TOX: variants seen among roughly 807,000 people sequenced by gnomAD.
TOX encodes the protein thymocyte selection-associated high mobility group box protein TOX.
TOX carries 11 observed loss-of-function variants against 53.7 expected under a neutral mutation model. The observed-to-expected ratio is 0.20, with a 90% CI of 0.13 to 0.34. TOX has a LOEUF of 0.34. TOX is among the 10% of genes least tolerant of loss of function. The pLI is 1.00. For synonymous variants in TOX, 225 were observed against 245.3 expected (o/e 0.92, Z 0.77); for missense variants, 570 against 664.6 (o/e 0.86, Z 1.56).
chr8:59,016,275 A>G (rs1814007782), intron 1 of TOX, among the ~76,000 whole-genome samples: 1 of 152,214 alleles, frequency 6.6e-6, no homozygotes, highest in Non-Finnish European at 1.5e-5. Context: ...TTTAATAACC[A>G]GGACAAAATA....
rs140031835 is a variant in TOX, at chr8:59,117,976, G to A, written c.102+910C>T. Among the ~76,000 whole-genome samples, 72 of 152,288 alleles carry A rather than the reference G, an allele frequency of 4.7e-4. No individual in the cohort carries two copies. The highest frequency in any genetic ancestry group is 9.4e-4 in the Non-Finnish European group (64 of 68,000). ...CTGGGATGAGAGAGTTCGAGAAGCCGGGAGAGTAACCCCCTCCCTCGTACC... is the reference window on the plus strand; with the variant it reads ...CTGGGATGAGAGAGTTCGAGAAGCCAGGAGAGTAACCCCCTCCCTCGTACC... On this transcript the variant is annotated intron_variant, in intron 1 of 8. Coordinates refer to ENST00000361421, the MANE Select transcript of TOX (RefSeq NM_014729.3). The surrounding 1 kb of genome is among the most constrained non-coding windows in gnomAD (Gnocchi z 4.6).
intron 1 of TOX, among the ~76,000 whole-genome samples, chr8:59,088,086 A>G (rs1318649323): frequency 6.6e-6 from 1 of 152,144 alleles, no homozygotes; most frequent in African/African-American, 2.4e-5. Context: ...AAAAAAACAC[A>G]TTTTTGGCAG....
Position 59,067,280 on chromosome 8 carries a change from G to A in TOX, c.102+51606C>T, listed in dbSNP as rs116751717. Among the ~76,000 whole-genome samples, 1,239 of 152,256 alleles carry A rather than the reference G, an allele frequency of 8.1e-3. 17 individuals carry two copies. Among genetic ancestry groups the A allele is most frequent in the African/African-American group, 0.023 (944 of 41,528 alleles). Reference sequence around the variant, plus strand: ...AAATTAAAATAATAACTGGCCGGCCGAGGGGGCTCACCCCCATAATCCCAG... The same window carrying A: ...AAATTAAAATAATAACTGGCCGGCCAAGGGGGCTCACCCCCATAATCCCAG... On this transcript the variant is annotated intron_variant, in intron 1 of 8. Transcript: ENST00000361421.
intron 3 of TOX, among the ~76,000 whole-genome samples, chr8:58,883,031 C>T (rs955975012): frequency 6.6e-6 from 1 of 152,180 alleles, no homozygotes; most frequent in Non-Finnish European, 1.5e-5. Flanking sequence ...CGTACACGAC[C>T]CACCTGCTTT....
chr8:59,094,269 A>C (rs60590935), intron 1 of TOX, among the ~76,000 whole-genome samples: 2 of 151,880 alleles, frequency 1.3e-5, no homozygotes, highest in Non-Finnish European at 2.9e-5. Context: ...TTGACTTTTT[A>C]TTTTATTTCT....
At chr8:58,844,504 G>A (rs909873694) in intron 4 of TOX, among the ~76,000 whole-genome samples, 16 of 152,240 alleles carry the variant, frequency 1.1e-4, no homozygotes, top group Admixed American at 1.0e-3. Flanking sequence ...AATTCCTTAT[G>A]ATGACAAGCA....
intron 1 of TOX, among the ~76,000 whole-genome samples, chr8:59,009,872 G>A (rs1226341656): frequency 1.3e-5 from 2 of 152,182 alleles, no homozygotes; most frequent in African/African-American, 4.8e-5. Context: ...ACCAGCAAAG[G>A]GAGATGTGAA....
intron 5 of TOX, among the ~76,000 whole-genome samples, 195 bp downstream of exon 5, chr8:58,837,886 A>C (rs1014643119): frequency 2.0e-5 from 3 of 152,258 alleles, no homozygotes; most frequent in Non-Finnish European, 4.4e-5. Context: ...CAAAGGAATC[A>C]ACATGCTATT....
chr8:58,886,238 C>A (rs1362553305), intron 3 of TOX, among the ~76,000 whole-genome samples: 1 of 152,112 alleles, frequency 6.6e-6, no homozygotes, highest in Non-Finnish European at 1.5e-5. Flanking sequence ...CACCCTCATA[C>A]ATGCTAAATT....
intron 7 of TOX, among the ~76,000 whole-genome samples, chr8:58,813,693 A>G (rs932583937): frequency 6.6e-6 from 1 of 152,210 alleles, no homozygotes. Context: ...TGAATCAACA[A>G]CTGTCTGTTG....
At chr8:58,929,857 C>T (rs1812231685) in intron 3 of TOX, among the ~76,000 whole-genome samples, 1 of 152,084 alleles carries the variant, frequency 6.6e-6, no homozygotes, top group East Asian at 1.9e-4. Flanking sequence ...GAAGACTAGG[C>T]ACAAATATAC....
At chr8:58,976,902 A>C (rs1170107869) in intron 1 of TOX, among the ~76,000 whole-genome samples, 1 of 152,230 alleles carries the variant, frequency 6.6e-6, no homozygotes, top group East Asian at 1.9e-4. Context: ...CATGCTGTAA[A>C]AGGATGTACT....
chr8:58,843,938 T>G (rs191749656), intron 4 of TOX, among the ~76,000 whole-genome samples: 8 of 152,348 alleles, frequency 5.3e-5, no homozygotes, highest in Admixed American at 1.3e-4. Context: ...GGATGCACTT[T>G]GAAAGATACT....
At chr8:58,924,697 G>C (rs866750380) in intron 3 of TOX, among the ~76,000 whole-genome samples, 2 of 152,220 alleles carry the variant, frequency 1.3e-5, no homozygotes, top group Admixed American at 1.3e-4. Context: ...AAACTCTTGT[G>C]ATCCACGATT....
intron 1 of TOX, among the ~76,000 whole-genome samples, chr8:59,047,337 C>T (rs2129421095): frequency 6.6e-6 from 1 of 151,102 alleles, no homozygotes; most frequent in East Asian, 2.0e-4. Context: ...CTGCCTCAGC[C>T]TCCCAAGTAG....
chr8:58,934,677 A>G (rs1332728992), intron 3 of TOX, among the ~76,000 whole-genome samples: 1 of 152,172 alleles, frequency 6.6e-6, no homozygotes, highest in African/African-American at 2.4e-5. Context: ...GTCTTTTTTG[A>G]CAGATGTGAA....
At chr8:58,979,173 G>A (rs1257929275) in intron 1 of TOX, among the ~76,000 whole-genome samples, 1 of 152,178 alleles carries the variant, frequency 6.6e-6, no homozygotes, top group Non-Finnish European at 1.5e-5. Context: ...GTCAGTAGTT[G>A]ATTTCATAAA....
intron 1 of TOX, among the ~76,000 whole-genome samples, chr8:59,077,523 G>C (rs148166515): frequency 1.3e-5 from 2 of 152,230 alleles, no homozygotes; most frequent in East Asian, 3.9e-4. Flanking sequence ...GGGTCTCTGA[G>C]ATCCCTCTTA....
At position 58,808,089 on chromosome 8, in the gene TOX, C is replaced by A. The variant is rs748898460; in HGVS notation, c.1544+29G>T. On this transcript the variant is annotated intron_variant, in intron 8 of 8. Coordinates refer to ENST00000361421, the MANE Select transcript of TOX (RefSeq NM_014729.3). ...ATATGCATGCTATGAGCGCTGTCCA[C>A]CACCAGGTGGCGATGACCGGCCGCT... 4.4e-6 allele frequency: 7 copies of A among 1,597,878 alleles called. No individual in the cohort carries two copies. The Admixed American group carries it at 1.0e-4, about 24-fold the overall frequency.
Sources: gnomAD v4.1 joint callset for allele counts (sites outside exome capture counted in the v4.1 genomes callset) on GRCh38, gnomAD v4.1.1 for gene constraint, Gnocchi (gnomAD v3.1) non-coding constraint, MANE v1.5 for transcripts, NCBI Gene and HGNC (gene_info 2026-07-23, HGNC 2026-07-21) for gene names.